PSMC4: variants seen among roughly 807,000 people sequenced by gnomAD.
PSMC4 encodes the protein 26S proteasome regulatory subunit 6B.
Under a neutral mutation model 48.4 loss-of-function variants are expected in PSMC4, and 13 were observed. That is an observed-to-expected ratio of 0.27 (90% CI 0.18 to 0.43). PSMC4 has a LOEUF of 0.43. Among genes scored for constraint, PSMC4 ranks in the 20% least tolerant of loss-of-function variants. PSMC4 has a pLI of 1.00. For missense variants in PSMC4, 262 were observed against 555.9 expected (o/e 0.47, Z 5.32); for synonymous variants, 202 against 212.3 (o/e 0.95, Z 0.42).
At chr19:39,977,176 C>T (rs1971217054) in intron 6 of PSMC4, among the ~76,000 whole-genome samples, 1 of 151,860 alleles carries the variant, frequency 6.6e-6, no homozygotes, top group African/African-American at 2.4e-5. Context: ...TTAAGCTCAT[C>T]ACCTATCATT....
At position 39,974,619 on chromosome 19, in the gene PSMC4, G is replaced by A. The variant is rs1381319283; in HGVS notation, c.565G>A (p.Glu189Lys). ...EAVELPLTHF[E>K]LYKQIGIDPP... ...CGTGGAGCTCCCGCTCACGCATTTC[G>A]AGCTCTACAAGCAGGTGAGGCGGTG... The change falls in exon 5 of 11, where the codon GAG becomes AAG. Residue 189 changes from glutamate (E) to lysine (K), a missense_variant. Physicochemically the swap from Glu to Lys is moderately conservative, Grantham distance 56. Around this residue, in one of 4 missense-constraint regions of PSMC4, gnomAD observed 131 missense variants for 276.7 expected, o/e 0.47. Coordinates refer to ENST00000157812, the MANE Select transcript of PSMC4 (RefSeq NM_006503.4). The surrounding 1 kb of genome is among the most constrained non-coding windows in gnomAD (Gnocchi z 5.5). The A allele has an allele frequency of 3.1e-6, 5 of 1,614,050 alleles. No individual in the cohort carries two copies. The highest frequency in any genetic ancestry group is 3.4e-6 in the Non-Finnish European group (4 of 1,180,010).
intron 6 of PSMC4, among the ~76,000 whole-genome samples, chr19:39,979,089 GCTGGTC>G (rs1323687059): frequency 6.6e-6 from 1 of 152,170 alleles, no homozygotes; most frequent in Non-Finnish European, 1.5e-5. Context: ...AAATTAAAAA[GCTGGTC>G]CTTATAGCAA....
In PSMC4 at chr19:39,972,131, T is replaced by C. The variant is rs777181565; in HGVS notation, c.37-15T>C. On this transcript the variant is annotated splice_polypyrimidine_tract_variant and intron_variant, in intron 1 of 10. Coordinates refer to ENST00000157812, the MANE Select transcript of PSMC4 (RefSeq NM_006503.4). ...GACTGTCTTCTTCCAATGTGAGTTA[T>C]CCCCTTTCGTCTAGGATGAGATCCC... The C allele has an allele frequency of 5.6e-6, 9 of 1,605,472 alleles. No homozygotes were observed. The African/African-American group carries it at 1.2e-4, about 21-fold the overall frequency.
At chr19:39,979,127 C>T (rs755941149) in intron 6 of PSMC4, among the ~76,000 whole-genome samples, 6 of 152,102 alleles carry the variant, frequency 3.9e-5, no homozygotes, top group Admixed American at 2.0e-4. Flanking sequence ...GAGCTCTTGG[C>T]GAGGCAGTAT....
At chr19:39,976,290 G>A (rs1311741839) in intron 6 of PSMC4, among the ~76,000 whole-genome samples, 1 of 142,394 alleles carries the variant, frequency 7.0e-6, no homozygotes, top group East Asian at 2.1e-4. Flanking sequence ...GGGCGTGGTG[G>A]CCAGCGCCTG....
chr19:39,977,999 A>G (rs1971231462), intron 6 of PSMC4, among the ~76,000 whole-genome samples: 1 of 151,796 alleles, frequency 6.6e-6, no homozygotes, highest in South Asian at 2.1e-4. Flanking sequence ...TTGTATCTTC[A>G]TTTTCAGTAG....
chr19:39,977,027 A>T (rs1343921657), intron 6 of PSMC4, among the ~76,000 whole-genome samples: 2 of 150,704 alleles, frequency 1.3e-5, no homozygotes, highest in Non-Finnish European at 3.0e-5. Flanking sequence ...TTTTTTTTGT[A>T]CTTTTGGTAG....
rs898643847 is a variant in PSMC4 at position 39,980,566 on chromosome 19, A to T, written c.1088-96A>T. ...GACTGTGCAGGTGGGACCAAGGTCCAGGGAGGAGGGGAGGTGACAGAGATG... is the reference window on the plus strand; with the variant it reads ...GACTGTGCAGGTGGGACCAAGGTCCTGGGAGGAGGGGAGGTGACAGAGATG... On this transcript the variant is annotated intron_variant, in intron 9 of 10. Transcript: ENST00000157812. The surrounding 1 kb of genome is among the most constrained non-coding windows in gnomAD (Gnocchi z 4.8). 5.7e-6 allele frequency: 9 copies of T among 1,584,598 alleles called. No homozygotes were observed. The highest frequency in any genetic ancestry group is 7.8e-6 in the Non-Finnish European group (9 of 1,154,288).
In PSMC4 at chr19:39,972,382, A is replaced by T; in HGVS notation, c.149A>T (p.Glu50Val). 6.2e-7 allele frequency: 1 copy of T among 1,613,950 alleles called. No homozygotes were observed. The highest frequency in any genetic ancestry group is 8.5e-7 in the Non-Finnish European group (1 of 1,179,832). Reference sequence around the variant, plus strand: ...CTCTGCTCGCAGAAGCTGCAGCAAGAGCTGGAGTTCCTGGAGGTGCAGGAG... The same window carrying T: ...CTCTGCTCGCAGAAGCTGCAGCAAGTGCTGGAGTTCCTGGAGGTGCAGGAG... ...LYSRYKKLQQ[E>V]LEFLEVQEEY... The change falls in exon 3 of 11, where the codon GAG (glutamate) becomes GTG (valine). Residue 50 changes from glutamate to valine, a missense_variant. Physicochemically the swap from Glu to Val is moderately radical, Grantham distance 121. This residue lies in a region of PSMC4 where 131 missense variants were observed against 276.7 expected (regional missense o/e 0.47). Transcript: ENST00000157812.
intron 10 of PSMC4, 84 bp from the exon 11 acceptor site, chr19:39,981,108 C>A: frequency 9.7e-7 from 1 of 1,027,626 alleles, no homozygotes; most frequent in Non-Finnish European, 1.5e-6. Flanking sequence ...CTGTATACCT[C>A]AGCCTCCCAA....
chr19:39,981,524 A>G lies in PSMC4; in HGVS notation c.*219A>G. The G allele has an allele frequency of 2.1e-6, 1 of 471,916 alleles. No homozygotes were observed. The highest frequency in any genetic ancestry group is 2.6e-5 in the South Asian group (1 of 38,700). The allele number at this position is 471,916 out of a possible 1,614,324, so 29.2% of individuals were successfully genotyped here. A position where few individuals can be genotyped will look rare whatever the true frequency, so the allele number is the denominator to read the frequency against. ...CTCTGGGTCCCTCTTAATCTGACAG[A>G]TGAGCAGACGAGGTGCATGGCCTGG... On this transcript the variant is annotated 3_prime_UTR_variant, in exon 11 of 11. Coordinates refer to ENST00000157812, the MANE Select transcript of PSMC4 (RefSeq NM_006503.4).
Position 39,974,769 on chromosome 19 carries a change from A to G in PSMC4, c.614A>G (p.Tyr205Cys). ...GIDPPRGVLMYGPPGCGKTML... is the reference protein window; with the variant it reads ...GIDPPRGVLMCGPPGCGKTML... ...GATCCCCCCCGAGGCGTCCTCATGTATGGCCCACCTGGCTGTGGGAAGACC... is the reference window on the plus strand; with the variant it reads ...GATCCCCCCCGAGGCGTCCTCATGTGTGGCCCACCTGGCTGTGGGAAGACC... Residue 205 changes from tyrosine to cysteine, a missense_variant, in exon 6 of 11, where the codon TAT becomes TGT. By Grantham distance (194) the Tyr-to-Cys change is radical. Around this residue, in one of 4 missense-constraint regions of PSMC4, gnomAD observed 131 missense variants for 276.7 expected, o/e 0.47. Coordinates refer to ENST00000157812, the MANE Select transcript of PSMC4 (RefSeq NM_006503.4). This position sits in a 1 kb window ranked among gnomAD's most constrained non-coding sequence, Gnocchi z 5.5. 4 of 1,614,098 alleles carry G rather than the reference A, an allele frequency of 2.5e-6. No homozygotes were observed. The highest frequency in any genetic ancestry group is 3.4e-6 in the Non-Finnish European group (4 of 1,179,998).
chr19:39,981,135 G>T (rs1009319950), intron 10 of PSMC4, 57 bp from the exon 11 acceptor site: 5 of 1,342,344 alleles, frequency 3.7e-6, no homozygotes, highest in Non-Finnish European at 5.3e-6. Context: ...GGGATTACAG[G>T]TGTGAGCCAC....
At position 39,977,527 on chromosome 19, in the gene PSMC4, C is replaced by T. The variant is rs146482562; in HGVS notation, c.674-2290C>T. ...TGAGTTTTGTTTTGTTTTCTAGAGA[C>T]AGGGTCATGTCTGGCAAGGCGCGGT... On this transcript the variant is annotated intron_variant, in intron 6 of 10. Transcript: ENST00000157812. 6.3e-3 allele frequency among the ~76,000 whole-genome samples: 961 copies of T among 151,974 alleles called. 7 individuals carry two copies. Among genetic ancestry groups the T allele is most frequent in the Middle Eastern group, 0.014 (4 of 294 alleles).
At chr19:39,977,514 T>G (rs1971223313) in intron 6 of PSMC4, among the ~76,000 whole-genome samples, 1 of 151,976 alleles carries the variant, frequency 6.6e-6, no homozygotes, top group South Asian at 2.1e-4. Context: ...AGTTTTGTTT[T>G]GTTTTCTAGA....
Position 39,974,885 on chromosome 19 carries a change from C to T in PSMC4, c.673+57C>T. 6.7e-7 allele frequency: 1 copy of T among 1,494,192 alleles called. No homozygotes were observed. The highest frequency in any genetic ancestry group is 9.3e-7 in the Non-Finnish European group (1 of 1,080,614). The allele number at this position is 1,494,192 out of a possible 1,614,324, so 92.6% of individuals were successfully genotyped here. ...ATCTTCTGGCCTCTTCGCCTTGCTC[C>T]CTGCTCGCTCACTGGCACTGCACAG... On this transcript the variant is annotated intron_variant, in intron 6 of 10. Transcript: ENST00000157812. This position sits in a 1 kb window ranked among gnomAD's most constrained non-coding sequence, Gnocchi z 5.5.
intron 6 of PSMC4, among the ~76,000 whole-genome samples, chr19:39,977,934 T>TCA (rs10686468): frequency 0.2 from 30,080 of 151,916 alleles, 6,379 homozygotes; most frequent in African/African-American, 0.53. Flanking sequence ...CCTCCCCACC[T>TCA]GTCTCTCCTA....
chr19:39,971,269 G>T (rs755925134), intron 1 of PSMC4, 31 bp downstream of exon 1: 1 of 1,613,920 alleles, frequency 6.2e-7, no homozygotes, highest in South Asian at 1.1e-5. Context: ...TTTTAGTCCG[G>T]GCCGGGCTCG....
At chr19:39,972,701 A>G (rs1971121953) in intron 3 of PSMC4, 146 bp downstream of exon 3, 1 of 510,442 alleles carries the variant, frequency 2.0e-6, no homozygotes, top group Non-Finnish European at 3.4e-6. Flanking sequence ...ATACATACAT[A>G]TATATATATA....
Sources: allele counts gnomAD v4.1 joint callset (sites outside exome capture counted in the v4.1 genomes callset), GRCh38; gene constraint gnomAD v4.1.1; regional missense constraint gnomAD v4.1.1; non-coding constraint Gnocchi (gnomAD v3.1); transcripts MANE v1.5; gene names NCBI Gene and HGNC (gene_info 2026-07-23, HGNC 2026-07-21).